MEF2C: variants seen among roughly 807,000 people sequenced by gnomAD.
The protein encoded by MEF2C is myocyte enhancer factor 2C, also known as myocyte-specific enhancer factor 2C.
A neutral mutation model predicts 50.5 loss-of-function variants in MEF2C; 6 were observed. The ratio of observed to expected loss-of-function variants is 0.12; its 90% confidence interval spans 0.07 to 0.23. MEF2C has a LOEUF of 0.23. MEF2C is among the 10% of genes least tolerant of loss of function. MEF2C has a pLI of 1.00. For synonymous variants in MEF2C, 183 were observed against 228.0 expected, an observed-to-expected ratio of 0.80 and a Z score of 1.78; for missense variants, 276 against 605.0, an observed-to-expected ratio of 0.46 and a Z score of 5.70.
intron 5 of MEF2C, chr5:88,750,141 A>G (rs1581721286): frequency 1.2e-6 from 1 of 857,424 alleles, no homozygotes; most frequent in Non-Finnish European, 1.4e-6. Context: ...CTCTGTAATT[A>G]TTAGTTGGTT....
At chr5:88,756,282 A>G (rs927901079) in intron 4 of MEF2C, among the ~76,000 whole-genome samples, 1 of 152,106 alleles carries the variant, frequency 6.6e-6, no homozygotes, top group Admixed American at 6.5e-5. Context: ...CCTAAGAGCT[A>G]ATTTTTCAAA....
chr5:88,880,989 T>C (rs1473223693), intron 1 of MEF2C: 1 of 152,098 alleles, frequency 6.6e-6, no homozygotes, highest in Non-Finnish European at 1.5e-5. Flanking sequence ...GTGCAATTAA[T>C]GAATGAAGTA....
intron 3 of MEF2C, among the ~76,000 whole-genome samples, chr5:88,764,807 CAAAAAAAAAAA>C (rs869119169): frequency 4.1e-5 from 3 of 73,820 alleles, no homozygotes; most frequent in East Asian, 3.7e-4. Flanking sequence ...GACTCCATCT[CAAAAAAAAAAA>C]AAAAAAAAAA....
chr5:88,734,565 GTTTTTTTTTTTTTTTTTTTTTT>G, intron 6 of MEF2C: 13 of 537,486 alleles, frequency 2.4e-5, no homozygotes, highest in African/African-American at 4.9e-5. Flanking sequence ...AGAAAAGTTT[GTTTTTTTTTTTTTTTTTTTTTT>G]TTTTTTTTTT....
chr5:88,733,117 T>C, intron 6 of MEF2C: 6 of 985,268 alleles, frequency 6.1e-6, no homozygotes, highest in Non-Finnish European at 7.2e-6. Flanking sequence ...AGATTAAGTG[T>C]TATTGAGTTC....
At chr5:88,834,563 A>C (rs1043229290) in intron 1 of MEF2C, among the ~76,000 whole-genome samples, 2 of 152,158 alleles carry the variant, frequency 1.3e-5, no homozygotes, top group African/African-American at 4.8e-5. Context: ...TAAATACAGA[A>C]GTGCTATAGA....
chr5:88,737,282 T>C, intron 6 of MEF2C: 1 of 985,398 alleles, frequency 1.0e-6, no homozygotes, highest in Non-Finnish European at 1.2e-6. Context: ...AAACTGCTTA[T>C]CTACCATATA....
chr5:88,755,898 G>A (rs916753389), intron 4 of MEF2C, among the ~76,000 whole-genome samples: 7 of 152,144 alleles, frequency 4.6e-5, no homozygotes, highest in Non-Finnish European at 8.8e-5. Flanking sequence ...CAAACAAGCA[G>A]GTCAGTGAAA....
At chr5:88,732,950 G>T in intron 6 of MEF2C, 1 of 334,188 alleles carries the variant, frequency 3.0e-6, no homozygotes, top group Non-Finnish European at 4.3e-6. Flanking sequence ...TATTACCCCT[G>T]CATGAGTGAG....
Position 88,746,458 on chromosome 5 carries a change from A to C in MEF2C, c.637+2612T>G, listed in dbSNP as rs78404660. ...CCCTCTCACTTTTTTTTTTTTTTTA[A>C]CAAAGTGAGATGACTTGATTTAGAA... is the stretch of plus-strand genomic sequence containing the variant. On this transcript the variant is annotated intron_variant, in intron 6 of 10. Transcript: ENST00000504921. The C allele has an allele frequency of 8.4e-6, 7 of 829,818 alleles. No individual in the cohort carries two copies. The African/African-American group carries it at 2.0e-4, about 23-fold the overall frequency. 51.4% of individuals were successfully genotyped at this position (829,818 alleles called of 1,614,324 possible).
Position 88,865,989 on chromosome 5 carries a change from G to A in MEF2C, c.-143+16966C>T, listed in dbSNP as rs565769250. Reference sequence around the variant, plus strand: ...CGGCTCACTGCAAGCTCCGCCTCCTGGGTTCACGCCATTCTCCTGCCTCAG... The same window carrying A: ...CGGCTCACTGCAAGCTCCGCCTCCTAGGTTCACGCCATTCTCCTGCCTCAG... On this transcript the variant is annotated intron_variant, in intron 1 of 10. Transcript: ENST00000504921. 1.7e-4 allele frequency among the ~76,000 whole-genome samples: 26 copies of A among 151,874 alleles called. No homozygotes were observed. The East Asian group carries it at 4.3e-3, about 25-fold the overall frequency.
intron 1 of MEF2C, among the ~76,000 whole-genome samples, chr5:88,845,398 C>T (rs528598709): frequency 6.6e-6 from 1 of 152,320 alleles, no homozygotes; most frequent in Non-Finnish European, 1.5e-5. Flanking sequence ...TAAGAAATTA[C>T]GACCTACTTA....
At chr5:88,769,402 T>C (rs941777325) in intron 3 of MEF2C, among the ~76,000 whole-genome samples, 1 of 151,996 alleles carries the variant, frequency 6.6e-6, no homozygotes, top group Non-Finnish European at 1.5e-5. Flanking sequence ...GATCAAGGAT[T>C]TGGTGTTTGT....
upstream of MEF2C, chr5:88,883,432 G>A (rs1833581840): frequency 6.7e-6 from 1 of 150,288 alleles, no homozygotes; most frequent in Admixed American, 6.7e-5. Flanking sequence ...CAGGAAGGAA[G>A]TGACAGAAGA....
intron 6 of MEF2C, among the ~76,000 whole-genome samples, chr5:88,747,253 T>C (rs1336828622): frequency 6.6e-6 from 1 of 151,720 alleles, no homozygotes; most frequent in East Asian, 1.9e-4. Flanking sequence ...CAAAGCATTC[T>C]AGCTATTAAG....
chr5:88,855,867 A>G (rs1823141151), intron 1 of MEF2C, among the ~76,000 whole-genome samples: 1 of 152,240 alleles, frequency 6.6e-6, no homozygotes, highest in African/African-American at 2.4e-5. Flanking sequence ...GTGTGAGAAC[A>G]GACTAATAAA....
At chr5:88,765,143 TA>T (rs1235367350) in intron 3 of MEF2C, among the ~76,000 whole-genome samples, 45 of 152,334 alleles carry the variant, frequency 3.0e-4, no homozygotes, top group Non-Finnish European at 3.1e-4. Flanking sequence ...ATTATCTTGC[TA>T]TGAATATCAC....
intron 1 of MEF2C, among the ~76,000 whole-genome samples, chr5:88,835,760 C>CTGAG (rs1814841016): frequency 6.8e-6 from 1 of 146,550 alleles, no homozygotes; most frequent in South Asian, 2.1e-4. Flanking sequence ...TTGCAATGAG[C>CTGAG]TGAGGTTGCA....
At chr5:88,726,538 G>A (rs1758860915) in intron 10 of MEF2C, among the ~76,000 whole-genome samples, 1 of 152,090 alleles carries the variant, frequency 6.6e-6, no homozygotes, top group South Asian at 2.1e-4. Context: ...AGAGAGAGAA[G>A]GGCCAACAGT....
Sources: gnomAD v4.1 joint callset for allele counts (sites outside exome capture counted in the v4.1 genomes callset) on GRCh38, gnomAD v4.1.1 for gene constraint, MANE v1.5 for transcripts, NCBI Gene and HGNC (gene_info 2026-07-23, HGNC 2026-07-21) for gene names.